Variants in COL11A1 observed in about 807,000 individuals in gnomAD.
COL11A1 encodes collagen type XI alpha 1 chain.
In COL11A1, 74 loss-of-function variants were observed where a neutral mutation model predicts 265.2. The ratio of observed to expected loss-of-function variants is 0.28; its 90% confidence interval spans 0.23 to 0.34. The LOEUF is 0.34. Among genes scored for constraint, COL11A1 ranks in the 10% least tolerant of loss-of-function variants. COL11A1 has a pLI of 1.00. For synonymous variants in COL11A1, 816 were observed against 727.6 expected (o/e 1.12, Z -1.96); for missense variants, 2,165 against 2,263.6 (o/e 0.96, Z 0.88).
At chr1:102,928,638 T>G (rs1226053799) in intron 46 of COL11A1, among the ~76,000 whole-genome samples, 2 of 151,808 alleles carry the variant, frequency 1.3e-5, no homozygotes, top group East Asian at 3.9e-4. Flanking sequence ...TCAAATGGTA[T>G]TTCTAGTTCT....
chr1:102,930,614 A>G (rs1157886611), intron 46 of COL11A1, among the ~76,000 whole-genome samples: 1 of 152,188 alleles, frequency 6.6e-6, no homozygotes, highest in Non-Finnish European at 1.5e-5. Context: ...CATAAAATGA[A>G]TTAGGGAGGA....
intron 46 of COL11A1, 56 bp from the exon 47 acceptor site, chr1:102,923,445 G>T: frequency 7.6e-7 from 1 of 1,323,932 alleles, no homozygotes; most frequent in Non-Finnish European, 1.1e-6. Context: ...AAAAAAAAAA[G>T]TTTGGTCAAT....
At chr1:102,987,383 T>TA (rs398103111) in intron 30 of COL11A1, among the ~76,000 whole-genome samples, 6 of 151,662 alleles carry the variant, frequency 4.0e-5, no homozygotes, top group South Asian at 4.2e-4. Flanking sequence ...TTTTTTTTTT[T>TA]AAATTTAACT....
chr1:103,063,351 T>C (rs1670822386), intron 4 of COL11A1, among the ~76,000 whole-genome samples: 1 of 152,042 alleles, frequency 6.6e-6, no homozygotes, highest in Non-Finnish European at 1.5e-5. Flanking sequence ...CAACGTAGTA[T>C]TGGTGGAAGA....
chr1:103,054,692 G>T (rs923160236), intron 4 of COL11A1, among the ~76,000 whole-genome samples: 1 of 151,870 alleles, frequency 6.6e-6, no homozygotes, highest in African/African-American at 2.4e-5. Context: ...GCCTGAGGTC[G>T]GGAGTTCGAG....
In COL11A1 at chr1:103,032,215, C is replaced by T. The variant is rs150075780; in HGVS notation, c.652-971G>A. Among the ~76,000 whole-genome samples, 39 of 152,090 alleles carry T rather than the reference C, an allele frequency of 2.6e-4. No individual in the cohort carries two copies. In the East Asian group the frequency reaches 6.4e-3, roughly 25 times the overall value. ...ACATAAATCTGATTCATAAAACTCCCGACTCCATATTTAATAACTTAAAAG... is the reference window on the plus strand; with the variant it reads ...ACATAAATCTGATTCATAAAACTCCTGACTCCATATTTAATAACTTAAAAG... On this transcript the variant is annotated intron_variant, in intron 4 of 66. Coordinates refer to ENST00000370096, the MANE Select transcript of COL11A1 (RefSeq NM_001854.4).
At chr1:103,049,728 T>C (rs572611441) in intron 4 of COL11A1, among the ~76,000 whole-genome samples, 1 of 152,234 alleles carries the variant, frequency 6.6e-6, no homozygotes, top group Non-Finnish European at 1.5e-5. Flanking sequence ...GTTTTTGCAG[T>C]GGCTGATACC....
chr1:102,986,864 GT>G (rs1251837867), intron 30 of COL11A1, among the ~76,000 whole-genome samples: 32 of 152,242 alleles, frequency 2.1e-4, no homozygotes, highest in Admixed American at 1.1e-3. Flanking sequence ...ATCTGGGGAT[GT>G]TTTAAAACAT....
At chr1:103,084,941 C>T (rs796111407) in intron 1 of COL11A1, among the ~76,000 whole-genome samples, 2 of 152,236 alleles carry the variant, frequency 1.3e-5, no homozygotes, top group African/African-American at 4.8e-5. Context: ...TCATACTGAA[C>T]ATTGAACTAA....
chr1:103,022,616 G>C (rs1667186277), intron 8 of COL11A1, 126 bp downstream of exon 8: 1 of 1,062,786 alleles, frequency 9.4e-7, no homozygotes, highest in East Asian at 2.4e-5. Flanking sequence ...AGTGGTAATA[G>C]GCATTCATAA....
At chr1:103,107,869 C>T (rs1428882309) in intron 1 of COL11A1, among the ~76,000 whole-genome samples, 2 of 152,156 alleles carry the variant, frequency 1.3e-5, no homozygotes, top group Non-Finnish European at 2.9e-5. Flanking sequence ...TACCTCGTCT[C>T]CCTTTATTGT....
chr1:102,927,320 C>T (rs74541687), intron 46 of COL11A1, among the ~76,000 whole-genome samples: 9,026 of 152,080 alleles, frequency 0.059, 329 homozygotes, highest in Non-Finnish European at 0.085. Context: ...ATAATCTTTC[C>T]GTGGATCACT....
intron 25 of COL11A1, 121 bp from the exon 26 acceptor site, chr1:102,997,245 T>G (rs1664718845): frequency 1.1e-6 from 1 of 933,464 alleles, no homozygotes; most frequent in Admixed American, 1.8e-5. Context: ...TCAAAAACAT[T>G]GAACACTTTT....
rs774536779 is a variant in COL11A1 at position 103,004,706 on chromosome 1, A to G, written c.1846-45T>C. On this transcript the variant is annotated intron_variant, in intron 18 of 66. Coordinates refer to ENST00000370096, the MANE Select transcript of COL11A1 (RefSeq NM_001854.4). The stretch of plus-strand genomic sequence containing the variant: ...AAGATTAGCATATGGAAAGAAGTAG[A>G]ATGTTTACAAGTCTATCAGGTAGCT... 5.3e-6 allele frequency: 8 copies of G among 1,511,384 alleles called. No individual in the cohort carries two copies. The South Asian group carries it at 8.0e-5, about 15-fold the overall frequency. 93.6% of individuals were successfully genotyped at this position (1,511,384 alleles called of 1,614,324 possible). A position where few individuals can be genotyped will look rare whatever the true frequency, so the allele number is the denominator to read the frequency against.
At chr1:102,961,988 G>T in intron 40 of COL11A1, 69 bp from the exon 41 acceptor site, 3 of 1,403,898 alleles carry the variant, frequency 2.1e-6, no homozygotes, top group African/African-American at 1.4e-5. Context: ...GGAGATATCT[G>T]ATTAGTAAAA....
At chr1:103,047,635 G>A (rs553928439) in intron 4 of COL11A1, among the ~76,000 whole-genome samples, 12 of 152,184 alleles carry the variant, frequency 7.9e-5, no homozygotes, top group South Asian at 6.2e-4. Context: ...AACTTCCAAC[G>A]CTATGTTGAA....
chr1:102,954,236 C>G (rs1660154652), intron 41 of COL11A1, among the ~76,000 whole-genome samples: 2 of 152,122 alleles, frequency 1.3e-5, no homozygotes, highest in Admixed American at 1.3e-4. Flanking sequence ...TCATCTAAAA[C>G]TTACAATGAT....
chr1:102,899,573 T>G (rs1652918589), intron 54 of COL11A1, among the ~76,000 whole-genome samples: 1 of 152,024 alleles, frequency 6.6e-6, no homozygotes. Flanking sequence ...TAAATCCTAA[T>G]ATTAGAAGTA....
At chr1:103,053,533 G>T (rs1254288425) in intron 4 of COL11A1, among the ~76,000 whole-genome samples, 1 of 152,106 alleles carries the variant, frequency 6.6e-6, no homozygotes, top group Non-Finnish European at 1.5e-5. Context: ...ATTTTTGTTT[G>T]TTGTTTTTCA....
Sources: gnomAD v4.1 joint callset for allele counts (sites outside exome capture counted in the v4.1 genomes callset) on GRCh38, gnomAD v4.1.1 for gene constraint, MANE v1.5 for transcripts, NCBI Gene and HGNC (gene_info 2026-07-23, HGNC 2026-07-21) for gene names.